The following METAP1 variants were observed in gnomAD, a reference collection of about 807,000 sequenced individuals.
METAP1 encodes the protein methionyl aminopeptidase 1.
In METAP1, 28 loss-of-function variants were observed where a neutral mutation model predicts 53.8. The ratio of observed to expected loss-of-function variants is 0.52; its 90% CI spans 0.39 to 0.71. METAP1 has a LOEUF of 0.71. Ranked by LOEUF, METAP1 falls within the 30% of genes least tolerant of loss-of-function variation. METAP1 has a pLI of 0.00. For synonymous variants in METAP1, 181 were observed against 165.7 expected (o/e 1.09, Z -0.71); for missense variants, 389 against 479.8 (o/e 0.81, Z 1.77).
chr4:99,060,997 A>G (rs770846311), intron 10 of METAP1, among the ~76,000 whole-genome samples, 157 bp from the exon 11 acceptor site: 7 of 152,250 alleles, frequency 4.6e-5, no homozygotes, highest in Non-Finnish European at 7.3e-5. Flanking sequence ...TTAAACATCA[A>G]ACATACTGAA....
chr4:99,030,718 C>T (rs1724950032), intron 2 of METAP1, among the ~76,000 whole-genome samples: 1 of 150,750 alleles, frequency 6.6e-6, no homozygotes, highest in South Asian at 2.1e-4. Flanking sequence ...CACTTCAGTC[C>T]AAGAAGTGAT....
chr4:99,012,664 T>TG (rs1319330484), intron 1 of METAP1, among the ~76,000 whole-genome samples: 9 of 148,406 alleles, frequency 6.1e-5, no homozygotes, highest in African/African-American at 2.3e-4. Context: ...TTTTTTTTTT[T>TG]TTTTTTTTTT....
At chr4:99,059,472 C>T (rs1298455687) in intron 10 of METAP1, among the ~76,000 whole-genome samples, 1 of 152,100 alleles carries the variant, frequency 6.6e-6, no homozygotes, top group African/African-American at 2.4e-5. Flanking sequence ...TTTAATATTG[C>T]AAAAGTAGTT....
intron 1 of METAP1, chr4:99,023,070 C>A: frequency 7.5e-7 from 1 of 1,331,916 alleles, no homozygotes; most frequent in South Asian, 1.3e-5. Flanking sequence ...CATCTAGTGT[C>A]TGGTCTGTCC....
intron 1 of METAP1, among the ~76,000 whole-genome samples, chr4:99,019,614 G>A (rs1418022339): frequency 3.3e-5 from 5 of 152,050 alleles, no homozygotes; most frequent in Non-Finnish European, 2.9e-5. Flanking sequence ...CTGGACACTG[G>A]TCAAAATCTC....
rs140506591 is a variant in METAP1 at position 99,023,334 on chromosome 4, T to A, written c.115-5533T>A. 1.5e-4 allele frequency: 120 copies of A among 786,394 alleles called. 1 individual carries two copies. In the African/African-American group the frequency reaches 2.1e-3, roughly 14 times the overall value. The allele number at this position is 786,394 out of a possible 1,614,324, so 48.7% of individuals were successfully genotyped here. On this transcript the variant is annotated intron_variant, in intron 1 of 10. Transcript: ENST00000296411. The stretch of plus-strand genomic sequence containing the variant: ...TCAGATTATTTCCTTTGGTTAACTA[T>A]TTGGAATTGAGCTACTGGGTCAAAG...
At chr4:99,023,546 T>C (rs929660271) in intron 1 of METAP1, 5 of 985,246 alleles carry the variant, frequency 5.1e-6, no homozygotes, top group Non-Finnish European at 6.0e-6. Flanking sequence ...AGATTTGAGA[T>C]GGTGGAAAAG....
At chr4:99,032,210 G>A (rs1048125060) in intron 2 of METAP1, among the ~76,000 whole-genome samples, 4 of 147,046 alleles carry the variant, frequency 2.7e-5, no homozygotes, top group South Asian at 2.2e-4. Flanking sequence ...CTTTACATTC[G>A]TTTTTTTTTT....
chr4:99,002,007 C>T (rs989444254), intron 1 of METAP1, among the ~76,000 whole-genome samples: 2 of 152,146 alleles, frequency 1.3e-5, no homozygotes, highest in Non-Finnish European at 2.9e-5. Flanking sequence ...TTTGAGTTAC[C>T]TTTTTGGAAA....
intron 9 of METAP1, among the ~76,000 whole-genome samples, chr4:99,054,957 A>G (rs1726988136): frequency 6.6e-6 from 1 of 152,242 alleles, no homozygotes; most frequent in Admixed American, 6.5e-5. Flanking sequence ...TGGTGTGATA[A>G]TAATGAACAT....
intron 9 of METAP1, among the ~76,000 whole-genome samples, chr4:99,054,303 T>C (rs183650450): frequency 2.2e-4 from 33 of 152,344 alleles, no homozygotes; most frequent in African/African-American, 7.5e-4. Flanking sequence ...CGTGCACTTT[T>C]ATGTAATGGA....
At chr4:99,022,803 C>T in intron 1 of METAP1, 3 of 1,595,782 alleles carry the variant, frequency 1.9e-6, no homozygotes, top group Non-Finnish European at 2.6e-6. Context: ...TCACGGAACT[C>T]CACCCATCCC....
intron 1 of METAP1, among the ~76,000 whole-genome samples, chr4:99,001,869 G>C (rs1391445064): frequency 6.6e-6 from 1 of 152,158 alleles, no homozygotes; most frequent in Non-Finnish European, 1.5e-5. Flanking sequence ...TTGTTGGTTT[G>C]AGGGCCTTCT....
intron 8 of METAP1, among the ~76,000 whole-genome samples, chr4:99,047,255 C>T (rs1246182003): frequency 6.6e-6 from 1 of 152,130 alleles, no homozygotes; most frequent in Non-Finnish European, 1.5e-5. Flanking sequence ...CTGTTCTATA[C>T]ACATAAGATG....
At chr4:99,015,030 G>A (rs1367078249) in intron 1 of METAP1, among the ~76,000 whole-genome samples, 2 of 152,180 alleles carry the variant, frequency 1.3e-5, no homozygotes. Flanking sequence ...CCAGGCTGTA[G>A]AATCTTGAAA....
intron 1 of METAP1, chr4:99,022,662 C>G (rs114537532): frequency 1.7e-6 from 2 of 1,177,478 alleles, no homozygotes; most frequent in Non-Finnish European, 1.2e-6. Flanking sequence ...GCAAGGTGCT[C>G]GCTGTGGTGG....
At chr4:99,017,397 G>C (rs999492170) in intron 1 of METAP1, among the ~76,000 whole-genome samples, 1 of 152,240 alleles carries the variant, frequency 6.6e-6, no homozygotes, top group Non-Finnish European at 1.5e-5. Context: ...TAATTGCCCC[G>C]ATTCAGTTTC....
intron 1 of METAP1, chr4:99,022,727 C>A: frequency 6.4e-7 from 1 of 1,554,952 alleles, no homozygotes; most frequent in Non-Finnish European, 8.8e-7. Context: ...ATGGGAGGGG[C>A]TGCACCTGTG....
intron 1 of METAP1, among the ~76,000 whole-genome samples, chr4:99,011,269 A>G (rs1399773519): frequency 6.6e-6 from 1 of 152,068 alleles, no homozygotes; most frequent in Non-Finnish European, 1.5e-5. Context: ...GTCTTTCACC[A>G]TTGAGTTTGA....
Sources: allele counts gnomAD v4.1 joint callset (sites outside exome capture counted in the v4.1 genomes callset), GRCh38; gene constraint gnomAD v4.1.1; transcripts MANE v1.5; gene names NCBI Gene and HGNC (gene_info 2026-07-23, HGNC 2026-07-21).